MOXD1: variants seen among roughly 807,000 people sequenced by gnomAD.
MOXD1 encodes DBH-like monooxygenase protein 1.
A neutral mutation model predicts 66.6 loss-of-function variants in MOXD1; 62 were observed. The ratio of observed to expected loss-of-function variants is 0.93; its 90% CI spans 0.76 to 1.15. MOXD1 has a LOEUF of 1.15. MOXD1 is among the 50% of genes most tolerant of loss of function. The pLI, the probability that MOXD1 is intolerant of heterozygous loss-of-function variation, is 0.00. For missense variants in MOXD1, 847 were observed against 754.6 expected, an observed-to-expected ratio of 1.12 and a Z score of -1.44; for synonymous variants, 303 against 281.9, an observed-to-expected ratio of 1.07 and a Z score of -0.75.
chr6:132,336,956 T>G (rs1359977051), intron 4 of MOXD1, among the ~76,000 whole-genome samples: 2 of 152,096 alleles, frequency 1.3e-5, no homozygotes, highest in African/African-American at 2.4e-5. Context: ...AGAAGCTGAA[T>G]ATGAGCTGTG....
intron 4 of MOXD1, among the ~76,000 whole-genome samples, chr6:132,357,494 A>G (rs1374169661): frequency 6.6e-6 from 1 of 152,130 alleles, no homozygotes; most frequent in Non-Finnish European, 1.5e-5. Flanking sequence ...AAGGAAGTAT[A>G]GAAATAAAAA....
rs765370417 is a variant in MOXD1, at chr6:132,328,041, G to A, written c.918C>T (p.Val306=). ...PLDPHYVLLE[V]HYDNPTYEEG... is the part of the protein sequence containing the mutation. ...CCTCATAAGTGGGATTATCATAATG[G>A]ACTTCTAGGAGCACATAATGCGGAT... The change falls in exon 6 of 12, where the codon GTC becomes GTT. Residue 306 remains valine (V), a synonymous_variant. Coordinates refer to ENST00000367963, the MANE Select transcript of MOXD1 (RefSeq NM_015529.4). The A allele has an allele frequency of 1.9e-6, 3 of 1,613,358 alleles. No homozygotes were observed. The highest frequency in any genetic ancestry group is 1.7e-6 in the Non-Finnish European group (2 of 1,179,466).
chr6:132,366,277 T>C (rs888192368), intron 4 of MOXD1, among the ~76,000 whole-genome samples: 6 of 152,090 alleles, frequency 3.9e-5, no homozygotes, highest in African/African-American at 1.4e-4. Context: ...TAAGAAAAGA[T>C]AGAAGGGAAA....
At chr6:132,333,670 A>G (rs1047618277) in intron 4 of MOXD1, among the ~76,000 whole-genome samples, 1 of 152,214 alleles carries the variant, frequency 6.6e-6, no homozygotes, top group Non-Finnish European at 1.5e-5. Flanking sequence ...AGACACAAAC[A>G]TGGAAATTCC....
chr6:132,366,189 T>C (rs1325721464), intron 4 of MOXD1, among the ~76,000 whole-genome samples: 1 of 152,078 alleles, frequency 6.6e-6, no homozygotes, highest in Non-Finnish European at 1.5e-5. Context: ...GTAAGATAGA[T>C]TATGAAAGTT....
intron 4 of MOXD1, among the ~76,000 whole-genome samples, chr6:132,360,656 G>A (rs531828364): frequency 1.6e-4 from 25 of 152,066 alleles, no homozygotes; most frequent in Admixed American, 1.5e-3. Flanking sequence ...ATGTTCATTC[G>A]GCAGCTTTGG....
intron 10 of MOXD1, among the ~76,000 whole-genome samples, chr6:132,301,081 C>T (rs1243530274): frequency 1.3e-5 from 2 of 151,794 alleles, no homozygotes; most frequent in African/African-American, 2.4e-5. Context: ...TCTGCTTTTA[C>T]TGGGATTAGG....
intron 4 of MOXD1, among the ~76,000 whole-genome samples, chr6:132,354,852 G>A (rs370710685): frequency 3.9e-5 from 6 of 152,240 alleles, no homozygotes; most frequent in Admixed American, 3.3e-4. Context: ...GAATGGGGGT[G>A]AGGTTCCCAG....
chr6:132,332,875 G>A (rs1181828284), intron 4 of MOXD1, among the ~76,000 whole-genome samples: 2 of 152,188 alleles, frequency 1.3e-5, no homozygotes, highest in Admixed American at 1.3e-4. Flanking sequence ...AGGAAGCAGA[G>A]TGAGGCACAC....
rs1337227193 is a variant in MOXD1 at position 132,349,446 on chromosome 6, T to C, written c.664-20852A>G. Among the ~76,000 whole-genome samples the C allele has an allele frequency of 2.6e-4, 15 of 56,632 alleles. 2 individuals carry two copies. In the East Asian group the frequency reaches 9.3e-3, roughly 35 times the overall value. 37.2% of individuals were successfully genotyped at this position (56,632 alleles called of 152,430 possible). A position where few individuals can be genotyped will look rare whatever the true frequency, so the allele number is the denominator to read the frequency against. ...ACATATATATATATACATATATATATATATACATATATATATATACATATA... is the reference window on the plus strand; with the variant it reads ...ACATATATATATATACATATATATACATATACATATATATATATACATATA... On this transcript the variant is annotated intron_variant, in intron 4 of 11. Transcript: ENST00000367963.
At chr6:132,376,087 G>T (rs924337122) in intron 1 of MOXD1, among the ~76,000 whole-genome samples, 31 of 151,936 alleles carry the variant, frequency 2.0e-4, no homozygotes, top group Admixed American at 1.4e-3. Flanking sequence ...ATTAATTTTT[G>T]TCACTTATAA....
intron 1 of MOXD1, among the ~76,000 whole-genome samples, chr6:132,392,628 G>C (rs1562301830): frequency 6.6e-6 from 1 of 152,184 alleles, no homozygotes; most frequent in South Asian, 2.1e-4. Context: ...AGTGCAAAAG[G>C]AGATGGCTTC....
At chr6:132,350,488 C>T (rs1775780543) in intron 4 of MOXD1, among the ~76,000 whole-genome samples, 1 of 152,116 alleles carries the variant, frequency 6.6e-6, no homozygotes, top group South Asian at 2.1e-4. Context: ...GTCTATGTGC[C>T]TATTTTTATA....
At chr6:132,339,964 G>A (rs1038967346) in intron 4 of MOXD1, among the ~76,000 whole-genome samples, 3 of 149,008 alleles carry the variant, frequency 2.0e-5, no homozygotes, top group Admixed American at 6.7e-5. Context: ...TTGCCTCCCC[G>A]GTTCAAGTAA....
At chr6:132,341,463 A>T (rs1275714539) in intron 4 of MOXD1, among the ~76,000 whole-genome samples, 3 of 152,100 alleles carry the variant, frequency 2.0e-5, no homozygotes, top group African/African-American at 7.2e-5. Flanking sequence ...CCTTTTGGAG[A>T]ACACTCTATT....
intron 10 of MOXD1, 133 bp downstream of exon 10, chr6:132,315,502 C>A: frequency 9.4e-7 from 1 of 1,061,708 alleles, no homozygotes; most frequent in African/African-American, 1.6e-5. Context: ...CTTGGTCTCC[C>A]CAGTTAAAAG....
chr6:132,332,482 CA>C (rs2114591924), intron 4 of MOXD1, among the ~76,000 whole-genome samples: 1 of 152,250 alleles, frequency 6.6e-6, no homozygotes, highest in African/African-American at 2.4e-5. Context: ...ACCTGACTAT[CA>C]AACTCCTGAA....
intron 4 of MOXD1, among the ~76,000 whole-genome samples, chr6:132,360,655 C>G (rs757032998): frequency 6.6e-6 from 1 of 152,210 alleles, no homozygotes; most frequent in Non-Finnish European, 1.5e-5. Context: ...AATGTTCATT[C>G]GGCAGCTTTG....
intron 4 of MOXD1, among the ~76,000 whole-genome samples, chr6:132,330,417 C>T (rs1389563279): frequency 6.6e-6 from 1 of 152,140 alleles, no homozygotes; most frequent in Non-Finnish European, 1.5e-5. Context: ...CTAACTAATG[C>T]CTGATGATCT....
Sources: gnomAD v4.1 joint callset for allele counts (sites outside exome capture counted in the v4.1 genomes callset) on GRCh38, gnomAD v4.1.1 for gene constraint, MANE v1.5 for transcripts, NCBI Gene and HGNC (gene_info 2026-07-23, HGNC 2026-07-21) for gene names.